The following AGBL1 variants were observed in gnomAD, a reference collection of about 807,000 sequenced individuals.
AGBL1 encodes cytosolic carboxypeptidase 4.
In AGBL1, 130 loss-of-function variants were observed where a neutral mutation model predicts 118.9. That is an observed-to-expected ratio of 1.09 (90% CI 0.95 to 1.26). The LOEUF is 1.26. Ranked by LOEUF, AGBL1 falls within the 50% of genes most tolerant of loss-of-function variation. AGBL1 has a pLI of 0.00. For missense variants in AGBL1, 1,584 were observed against 1,298.1 expected (o/e 1.22, Z -3.38); for synonymous variants, 555 against 478.9 (o/e 1.16, Z -2.08).
chr15:86,639,517 T>C lies in AGBL1; in HGVS notation c.2995-34756T>C, dbSNP rs912339432. Among the ~76,000 whole-genome samples, 7 of 152,192 alleles carry C rather than the reference T, an allele frequency of 4.6e-5. No individual in the cohort carries two copies. In the East Asian group the frequency reaches 1.3e-3, roughly 29 times the overall value. Reference sequence around the variant, plus strand: ...TTTCTTAAAAATACTATGGGGGCCATGCATCTTCTGTGCCACACCTCCTCT... The same window carrying C: ...TTTCTTAAAAATACTATGGGGGCCACGCATCTTCTGTGCCACACCTCCTCT... On this transcript the variant is annotated intron_variant, in intron 21 of 22. Transcript: ENST00000614907.
At chr15:86,813,700 G>C (rs1319487643) in intron 22 of AGBL1, among the ~76,000 whole-genome samples, 1 of 152,190 alleles carries the variant, frequency 6.6e-6, no homozygotes, top group Non-Finnish European at 1.5e-5. Flanking sequence ...CTCAGAGTCA[G>C]TTATAGAACA....
chr15:86,109,214 G>A lies in AGBL1; in HGVS notation c.51+29191G>A, dbSNP rs190645259. On this transcript the variant is annotated intron_variant, in intron 1 of 22. Coordinates refer to ENST00000614907, the MANE Select transcript of AGBL1 (RefSeq NM_001386094.1). ...ATAATAATAACCAGGGGTAGATCTA[G>A]GTTCTGGGGGGCCTGAAGCTTATGC... Among the ~76,000 whole-genome samples, 10 of 152,224 alleles carry A rather than the reference G, an allele frequency of 6.6e-5. No homozygotes were observed. In the East Asian group the frequency reaches 1.9e-3, roughly 29 times the overall value.
intron 18 of AGBL1, among the ~76,000 whole-genome samples, chr15:86,452,761 G>A (rs2082212086): frequency 1.3e-5 from 2 of 152,060 alleles, no homozygotes; most frequent in African/African-American, 2.4e-5. Flanking sequence ...TCCTCACGCT[G>A]TCCCTGACCC....
At chr15:86,761,070 T>C (rs2078016227) in intron 22 of AGBL1, among the ~76,000 whole-genome samples, 2 of 152,084 alleles carry the variant, frequency 1.3e-5, no homozygotes, top group African/African-American at 2.4e-5. Flanking sequence ...TGCTAATACA[T>C]GTACACAAAG....
intron 21 of AGBL1, among the ~76,000 whole-genome samples, chr15:86,648,443 A>G (rs985752171): frequency 6.6e-6 from 1 of 152,212 alleles, no homozygotes; most frequent in African/African-American, 2.4e-5. Flanking sequence ...GGCCTGAGCC[A>G]CTGGAAGAAT....
At chr15:86,539,134 T>C (rs2083462185) in intron 19 of AGBL1, among the ~76,000 whole-genome samples, 1 of 152,100 alleles carries the variant, frequency 6.6e-6, no homozygotes, top group Non-Finnish European at 1.5e-5. Flanking sequence ...GGGGAATTGG[T>C]TTAGTCAAAG....
At chr15:86,962,854 T>C (rs1014144825) in intron 23 of AGBL1, among the ~76,000 whole-genome samples, 1 of 152,084 alleles carries the variant, frequency 6.6e-6, no homozygotes, top group African/African-American at 2.4e-5. Flanking sequence ...CATCCCCAGC[T>C]GATTCCTGTG....
intron 22 of AGBL1, among the ~76,000 whole-genome samples, chr15:86,692,902 T>C (rs2086196959): frequency 6.6e-6 from 1 of 152,208 alleles, no homozygotes; most frequent in African/African-American, 2.4e-5. Context: ...AATAATAATC[T>C]CCAGTTCCAT....
chr15:86,558,455 G>A (rs767958802), intron 21 of AGBL1, among the ~76,000 whole-genome samples: 5 of 152,128 alleles, frequency 3.3e-5, no homozygotes, highest in Non-Finnish European at 5.9e-5. Flanking sequence ...CACCTCTGTT[G>A]TAATTCCCTT....
intron 20 of AGBL1, among the ~76,000 whole-genome samples, chr15:86,549,902 GAGGAAGGA>G (rs1180465731): frequency 1.5e-5 from 2 of 132,592 alleles, no homozygotes; most frequent in Non-Finnish European, 3.3e-5. Context: ...GGGAGGGAGG[GAGGAAGGA>G]AGGAAGGAAG....
chr15:86,099,625 C>T (rs370887435), intron 1 of AGBL1, among the ~76,000 whole-genome samples: 54 of 151,480 alleles, frequency 3.6e-4, no homozygotes, highest in South Asian at 1.3e-3. Flanking sequence ...CTGCAACCTC[C>T]GCCTCCCAGG....
chr15:86,595,029 G>A (rs2084386964), intron 21 of AGBL1, among the ~76,000 whole-genome samples: 1 of 152,100 alleles, frequency 6.6e-6, no homozygotes, highest in Admixed American at 6.6e-5. Context: ...TGGCTTTCAG[G>A]ACACCACCTT....
chr15:87,016,768 G>C (rs1287835880), intron 24 of AGBL1, among the ~76,000 whole-genome samples: 1 of 152,112 alleles, frequency 6.6e-6, no homozygotes, highest in Non-Finnish European at 1.5e-5. Context: ...GCCAAGGGAA[G>C]TGGTGAGTGA....
At chr15:86,684,705 CTG>C (rs1271180325) in intron 22 of AGBL1, among the ~76,000 whole-genome samples, 1 of 152,094 alleles carries the variant, frequency 6.6e-6, no homozygotes, top group Non-Finnish European at 1.5e-5. Context: ...ATGACAAGCT[CTG>C]TGAATCTATG....
At chr15:86,447,567 G>A (rs1277668051) in intron 18 of AGBL1, among the ~76,000 whole-genome samples, 5 of 152,172 alleles carry the variant, frequency 3.3e-5, no homozygotes, top group Admixed American at 2.6e-4. Context: ...AAGATGAGGT[G>A]TGTTTTAAAT....
chr15:86,704,116 T>C (rs1455444962), intron 22 of AGBL1, among the ~76,000 whole-genome samples: 1 of 152,168 alleles, frequency 6.6e-6, no homozygotes, highest in Non-Finnish European at 1.5e-5. Flanking sequence ...GACCCCTTCC[T>C]TAGACCTTAT....
At chr15:86,715,696 A>C (rs961823530) in intron 22 of AGBL1, among the ~76,000 whole-genome samples, 5 of 152,172 alleles carry the variant, frequency 3.3e-5, no homozygotes, top group Non-Finnish European at 7.3e-5. Context: ...AGAAAGAAAG[A>C]AAGATGAAGG....
Position 86,916,039 on chromosome 15 carries a change from C to T in AGBL1, c.*8745C>T, listed in dbSNP as rs779765127. The T allele has an allele frequency of 5.9e-5, 9 of 152,178 alleles. No homozygotes were observed. The highest frequency in any genetic ancestry group is 1.0e-4 in the Non-Finnish European group (7 of 68,040). 9.4% of individuals were successfully genotyped at this position (152,178 alleles called of 1,614,324 possible). A position where few individuals can be genotyped will look rare whatever the true frequency, so the allele number is the denominator to read the frequency against. On this transcript the variant is annotated 3_prime_UTR_variant, in exon 23 of 23. Transcript: ENST00000614907. ...GAAAAGGGCCTTGTTTTCCAATCAC[C>T]GACTGTCCTGTCTACATTAGCATTC...
chr15:86,481,960 G>A (rs761786445), intron 18 of AGBL1, among the ~76,000 whole-genome samples: 1 of 152,144 alleles, frequency 6.6e-6, no homozygotes, highest in Admixed American at 6.6e-5. Flanking sequence ...TGCTTCTAGA[G>A]AGGTTAAACA....
Sources: allele counts gnomAD v4.1 joint callset (sites outside exome capture counted in the v4.1 genomes callset), GRCh38; gene constraint gnomAD v4.1.1; transcripts MANE v1.5; gene names NCBI Gene and HGNC (gene_info 2026-07-23, HGNC 2026-07-21).